DNAH2: variants seen among roughly 807,000 people sequenced by gnomAD.
DNAH2 encodes dynein axonemal heavy chain 2, also known as axonemal beta dynein heavy chain 2.
DNAH2 carries 323 observed loss-of-function variants against 523.5 expected under a neutral mutation model. The observed-to-expected ratio is 0.62, with a 90% CI of 0.56 to 0.68. DNAH2 has a LOEUF of 0.68. DNAH2 is among the 30% of genes least tolerant of loss of function. DNAH2 has a pLI of 0.00. For missense variants in DNAH2, 4,907 were observed against 5,701.5 expected, an observed-to-expected ratio of 0.86 and a Z score of 4.49; for synonymous variants, 2,093 against 2,177.4, an observed-to-expected ratio of 0.96 and a Z score of 1.08.
In DNAH2 at chr17:7,770,792, G is replaced by A. The variant is rs1567671575; in HGVS notation, c.4221G>A (p.Gln1407=). ...EEVFQALEDN[Q]VALSTMKASR... ...TATTCCAGGCACTGGAAGATAACCA[G>A]GTAGCTCTGTCTACCATGAAGGCAT... The change falls in exon 27 of 86, where the codon CAG becomes CAA. Residue 1407 remains glutamine (Q), a synonymous_variant. Transcript: ENST00000572933. 1.9e-6 allele frequency: 3 copies of A among 1,614,134 alleles called. No homozygotes were observed. The highest frequency in any genetic ancestry group is 2.5e-6 in the Non-Finnish European group (3 of 1,180,014).
intron 48 of DNAH2, among the ~76,000 whole-genome samples, chr17:7,793,716 T>C (rs1364698721): frequency 6.6e-6 from 1 of 152,006 alleles, no homozygotes; most frequent in Non-Finnish European, 1.5e-5. Context: ...CCTCCCATCT[T>C]GGCCTCCCAA....
Position 7,759,307 on chromosome 17 carries a change from G to A in DNAH2, c.2449-115G>A, listed in dbSNP as rs1053725486. 61 of 1,454,264 alleles carry A rather than the reference G, an allele frequency of 4.2e-5. 1 individual carries two copies. Among genetic ancestry groups the A allele is most frequent in the African/African-American group, 2.0e-4 (14 of 70,414 alleles). The allele number at this position is 1,454,264 out of a possible 1,614,324, so 90.1% of individuals were successfully genotyped here. On this transcript the variant is annotated intron_variant, in intron 15 of 85. Transcript: ENST00000572933. ...CACACCTCTTCCTCCAGGACTCAGC[G>A]TCCTGCGTTTCCATTAAACCAACTT...
Position 7,824,668 on chromosome 17 carries a change from C to T in DNAH2, c.11794C>T (p.Pro3932Ser), listed in dbSNP as rs1292058784. The change falls in exon 77 of 86, where the codon CCA becomes TCA. Residue 3932 changes from proline to serine, a missense_variant. By Grantham distance (74) the Pro-to-Ser change is moderately conservative (BLOSUM62 -1). Around this residue, in one of 3 missense-constraint regions of DNAH2, gnomAD observed 1,851 missense variants for 2,139.4 expected, o/e 0.87. Coordinates refer to ENST00000572933, the MANE Select transcript of DNAH2 (RefSeq NM_020877.5). ...CCTCTGGCTCAGCTCCATCCCCCACCCAGACTTCCCTATCTCAATCTTGCA... is the reference window on the plus strand; with the variant it reads ...CCTCTGGCTCAGCTCCATCCCCCACTCAGACTTCCCTATCTCAATCTTGCA... Reference protein sequence around the residue: ...FRLWLSSIPHPDFPISILQVS... With the variant: ...FRLWLSSIPHSDFPISILQVS... 1 of 1,606,300 alleles carries T rather than the reference C, an allele frequency of 6.2e-7. No homozygotes were observed. Among genetic ancestry groups the T allele is most frequent in the South Asian group, 1.1e-5 (1 of 90,322 alleles).
At chr17:7,793,460 T>C (rs192795832) in intron 48 of DNAH2, among the ~76,000 whole-genome samples, 1 of 112,456 alleles carries the variant, frequency 8.9e-6, no homozygotes, top group Non-Finnish European at 2.0e-5. Context: ...TCTTTCTTTC[T>C]TTCTTTCTTT....
chr17:7,812,280 C>T (rs2077537116), intron 63 of DNAH2, among the ~76,000 whole-genome samples: 2 of 152,080 alleles, frequency 1.3e-5, no homozygotes, highest in South Asian at 2.1e-4. Flanking sequence ...GGGGGTTGAT[C>T]GTGGTAAAAT....
At chr17:7,824,779 C>T (rs2077974036) in intron 77 of DNAH2, 52 bp downstream of exon 77, 1 of 1,366,162 alleles carries the variant, frequency 7.3e-7, no homozygotes, top group East Asian at 2.7e-5. Flanking sequence ...TCCACCTTAC[C>T]TCCTGCTAGC....
intron 61 of DNAH2, among the ~76,000 whole-genome samples, chr17:7,806,658 C>CAAAA (rs66460228): frequency 2.0e-4 from 12 of 60,532 alleles, no homozygotes; most frequent in African/African-American, 3.2e-4. Context: ...CACTCCATCT[C>CAAAA]AAAAAAAAAA....
At chr17:7,817,517 G>A (rs76261975) in intron 65 of DNAH2, 44 bp from the exon 66 acceptor site, 38,738 of 1,613,664 alleles carry the variant, frequency 0.024, 551 homozygotes, top group Middle Eastern at 0.04. Context: ...GGGGCTGCTG[G>A]GCTCAGCTCT....
chr17:7,815,818 A>AAT (rs925540070), intron 63 of DNAH2, among the ~76,000 whole-genome samples: 25 of 152,112 alleles, frequency 1.6e-4, no homozygotes, highest in Non-Finnish European at 3.1e-4. Flanking sequence ...GATTTCAGTG[A>AAT]ATATATATAT....
At chr17:7,810,699 C>G (rs1014220424) in intron 63 of DNAH2, among the ~76,000 whole-genome samples, 14 of 144,096 alleles carry the variant, frequency 9.7e-5, no homozygotes, top group African/African-American at 3.0e-4. Flanking sequence ...CCAAATGTAC[C>G]TTTTAATACA....
At chr17:7,803,331 A>G (rs1460331195) in intron 58 of DNAH2, among the ~76,000 whole-genome samples, 1 of 152,184 alleles carries the variant, frequency 6.6e-6, no homozygotes. Context: ...GAACTCAGGA[A>G]ACACTTCACC....
chr17:7,804,821 G>A, intron 59 of DNAH2, 137 bp from the exon 60 acceptor site: 1 of 725,970 alleles, frequency 1.4e-6, no homozygotes, highest in East Asian at 2.6e-5. Context: ...ACTCCAGCCT[G>A]GGCGAAAGAG....
In DNAH2 at chr17:7,797,237, G is replaced by A. The variant is rs753392189; in HGVS notation, c.7925G>A (p.Arg2642Gln). ...DFHDTKSSIT[R>Q]LWIHECFRVF... ...CATGATACCAAGTCCAGCATCACAC[G>A]GCTCTGGATCCATGAATGTTTCAGG... Residue 2642 changes from arginine to glutamine, a missense_variant, in exon 51 of 86, where the codon CGG (arginine) becomes CAG (glutamine). Transcript: ENST00000572933. 9 of 1,613,874 alleles carry A rather than the reference G, an allele frequency of 5.6e-6. No homozygotes were observed. In the African/African-American group the frequency reaches 8.0e-5, roughly 14 times the overall value.
At chr17:7,784,926 C>T (rs556444400) in intron 39 of DNAH2, among the ~76,000 whole-genome samples, 1 of 152,160 alleles carries the variant, frequency 6.6e-6, no homozygotes, top group African/African-American at 2.4e-5. Flanking sequence ...GGTGGGAGAT[C>T]TTGACTTACT....
At chr17:7,719,571 T>C in intron 1 of DNAH2, 150 bp from the exon 2 acceptor site, 1 of 972,968 alleles carries the variant, frequency 1.0e-6, no homozygotes, top group Non-Finnish European at 1.6e-6. Flanking sequence ...AGAGCCCTTG[T>C]GGTTAATGGA....
rs141370845 is a variant in DNAH2, at chr17:7,819,406, C to T, written c.11013C>T (p.Tyr3671=). The change falls in exon 72 of 86, where the codon TAC becomes TAT. Residue 3671 remains tyrosine, a splice_region_variant and synonymous_variant. Transcript: ENST00000572933. The part of the protein sequence containing the change: ...YLNDYHTYAV[Y]RYTCRTLFER... The stretch of plus-strand genomic sequence containing the variant: ...ATGACTACCACACCTACGCTGTCTA[C>T]AGGTCTGAGGGTGCCCCCAACATGC... 1 of 1,614,268 alleles carries T rather than the reference C, an allele frequency of 6.2e-7. No homozygotes were observed. The highest frequency in any genetic ancestry group is 2.2e-5 in the East Asian group (1 of 44,884).
In DNAH2 at chr17:7,824,183, C is replaced by T. The variant is rs528218094; in HGVS notation, c.11541C>T (p.Pro3847=). The change falls in exon 76 of 86, where the codon CCC becomes CCT. Residue 3847 remains proline, a synonymous_variant. Coordinates refer to ENST00000572933, the MANE Select transcript of DNAH2 (RefSeq NM_020877.5). ...LVFILSPGVD[P]TSALLQLAEH... is the part of the protein sequence containing the mutation. The stretch of plus-strand genomic sequence containing the variant: ...TCATCCTGTCCCCTGGTGTGGACCC[C>T]ACCAGTGCCCTGCTGCAGCTGGCAG... 2.0e-5 allele frequency: 32 copies of T among 1,604,426 alleles called. No individual in the cohort carries two copies. The South Asian group carries it at 3.0e-4, about 15-fold the overall frequency.
Position 7,786,475 on chromosome 17 carries a change from G to A in DNAH2, c.6349-95G>A. 11 of 1,477,798 alleles carry A rather than the reference G, an allele frequency of 7.4e-6. No individual in the cohort carries two copies. The highest frequency in any genetic ancestry group is 1.0e-5 in the Non-Finnish European group (11 of 1,075,546). The allele number at this position is 1,477,798 out of a possible 1,614,324, so 91.5% of individuals were successfully genotyped here. A position where few individuals can be genotyped will look rare whatever the true frequency, so the allele number is the denominator to read the frequency against. On this transcript the variant is annotated intron_variant, in intron 40 of 85. Transcript: ENST00000572933. The surrounding 1 kb of genome is among the most constrained non-coding windows in gnomAD (Gnocchi z 7.5). Reference sequence around the variant, plus strand: ...GGACCATGGTGGCCTGGAGCGATGAGAGAAGGGACAAATGCACGTACCTAA... The same window carrying A: ...GGACCATGGTGGCCTGGAGCGATGAAAGAAGGGACAAATGCACGTACCTAA...
At chr17:7,744,871 C>G (rs904022209) in intron 12 of DNAH2, among the ~76,000 whole-genome samples, 1 of 152,198 alleles carries the variant, frequency 6.6e-6, no homozygotes, top group Non-Finnish European at 1.5e-5. Context: ...GGGAGCCGCA[C>G]AGATGCCCTT....
Sources: allele counts gnomAD v4.1 joint callset (sites outside exome capture counted in the v4.1 genomes callset), GRCh38; gene constraint gnomAD v4.1.1; regional missense constraint gnomAD v4.1.1; non-coding constraint Gnocchi (gnomAD v3.1); transcripts MANE v1.5; gene names NCBI Gene and HGNC (gene_info 2026-07-23, HGNC 2026-07-21).